Variants in C14orf132 observed in about 807,000 individuals in gnomAD.
C14orf132 encodes the protein uncharacterized protein C14orf132.
A neutral mutation model predicts 5.8 loss-of-function variants in C14orf132; 6 were observed. The ratio of observed to expected loss-of-function variants is 1.03; its 90% CI spans 0.57 to 2.04. The LOEUF is 2.04. Among genes scored for constraint, C14orf132 ranks in the 30% most tolerant of loss-of-function variants. The pLI, the probability that C14orf132 is intolerant of heterozygous loss-of-function variation, is 0.00. For missense variants in C14orf132, 125 were observed against 115.8 expected (o/e 1.08, Z -0.37); for synonymous variants, 51 against 49.8 (o/e 1.02, Z -0.10).
At chr14:96,049,852 C>T (rs896354210) in intron 1 of C14orf132, among the ~76,000 whole-genome samples, 3 of 149,714 alleles carry the variant, frequency 2.0e-5, no homozygotes, top group Non-Finnish European at 4.4e-5. Context: ...TTTTCTTCTG[C>T]AATATCTAAT....
chr14:96,061,286 TAGC>T (rs1428615136), intron 1 of C14orf132, among the ~76,000 whole-genome samples: 1 of 152,208 alleles, frequency 6.6e-6, no homozygotes, highest in African/African-American at 2.4e-5. Flanking sequence ...AGCTCCTTAG[TAGC>T]CAAGTCAGAC....
chr14:96,043,573 C>G (rs1183543924), intron 1 of C14orf132, among the ~76,000 whole-genome samples: 1 of 152,174 alleles, frequency 6.6e-6, no homozygotes, highest in Non-Finnish European at 1.5e-5. Context: ...TCCTGCTGCC[C>G]AGGTCTCACC....
chr14:96,063,838 T>C (rs1275962368), intron 1 of C14orf132, among the ~76,000 whole-genome samples: 1 of 152,076 alleles, frequency 6.6e-6, no homozygotes, highest in Non-Finnish European at 1.5e-5. Context: ...AAAGGACTAA[T>C]ATCCAGAATC....
At chr14:96,041,788 C>T (rs142427878) in intron 1 of C14orf132, among the ~76,000 whole-genome samples, 3 of 152,344 alleles carry the variant, frequency 2.0e-5, no homozygotes, top group Admixed American at 6.5e-5. Flanking sequence ...TGTCTAGTAC[C>T]TGCCTTGTGA....
rs1489659403 is a variant in C14orf132, at chr14:96,091,794, T to C, written c.*5059T>C. 8.3e-6 allele frequency: 1 copy of C among 120,064 alleles called. No homozygotes were observed. Among genetic ancestry groups the C allele is most frequent in the Non-Finnish European group, 1.6e-5 (1 of 61,612 alleles). The allele number at this position is 120,064 out of a possible 1,614,324, so 7.4% of individuals were successfully genotyped here. A position where few individuals can be genotyped will look rare whatever the true frequency, so the allele number is the denominator to read the frequency against. On this transcript the variant is annotated 3_prime_UTR_variant, in exon 2 of 2. Transcript: ENST00000555004. ...TCACGGAGAGGGATGGAGGAGAAGG[T>C]GGTTGAACTGAGTACTGAGAACCCA...
intron 1 of C14orf132, among the ~76,000 whole-genome samples, chr14:96,064,548 TCTTATTC>T (rs1887473167): frequency 6.6e-6 from 1 of 151,930 alleles, no homozygotes; most frequent in Non-Finnish European, 1.5e-5. Flanking sequence ...GATTGGAGAC[TCTTATTC>T]TAAGTGAAGT....
At chr14:96,064,363 T>TATACACACAC (rs1555385083) in intron 1 of C14orf132, among the ~76,000 whole-genome samples, 4,286 of 135,786 alleles carry the variant, frequency 0.032, 79 homozygotes, top group Non-Finnish European at 0.045. Flanking sequence ...GGTGCATATA[T>TATACACACAC]ACACACACAC....
intron 1 of C14orf132, among the ~76,000 whole-genome samples, chr14:96,049,351 AT>A (rs1293790393): frequency 1.4e-5 from 2 of 145,496 alleles, no homozygotes; most frequent in Non-Finnish European, 3.0e-5. Flanking sequence ...TTATTTATTT[AT>A]TTTTTTGAGA....
intron 1 of C14orf132, among the ~76,000 whole-genome samples, chr14:96,067,665 C>T (rs147546446): frequency 6.6e-6 from 1 of 151,346 alleles, no homozygotes; most frequent in East Asian, 1.9e-4. Context: ...GGCCATTGCA[C>T]TCCAGTCTGG....
At chr14:96,060,957 C>G (rs917680749) in intron 1 of C14orf132, among the ~76,000 whole-genome samples, 9 of 152,174 alleles carry the variant, frequency 5.9e-5, no homozygotes, top group Non-Finnish European at 8.8e-5. Flanking sequence ...AAACAGTAAG[C>G]TCATAATTCT....
rs1000510279 is a variant in C14orf132, at chr14:96,039,524, G to A, written c.24G>A (p.Ala8=). 10 of 1,502,146 alleles carry A rather than the reference G, an allele frequency of 6.7e-6. No individual in the cohort carries two copies. The African/African-American group carries it at 1.0e-4, about 15-fold the overall frequency. 93.1% of individuals were successfully genotyped at this position (1,502,146 alleles called of 1,614,324 possible). The part of the protein sequence containing the change: MDLSFMA[A]QLPMMGGAFM... ...CCATGGATCTCTCCTTTATGGCCGC[G>A]CAGGTAACGGGGCGTCCCCCCCACG... The change falls in exon 1 of 2, where the codon GCG becomes GCA. Residue 8 remains alanine, a synonymous_variant. Coordinates refer to ENST00000555004, the MANE Select transcript of C14orf132 (RefSeq NM_001252507.3). This position sits in a 1 kb window ranked among gnomAD's most constrained non-coding sequence, Gnocchi z 5.3.
At chr14:96,047,129 C>A (rs1486095034) in intron 1 of C14orf132, among the ~76,000 whole-genome samples, 5 of 152,184 alleles carry the variant, frequency 3.3e-5, no homozygotes, top group African/African-American at 1.2e-4. Context: ...TCTGGTTGTA[C>A]TTCAGGTTTC....
chr14:96,053,137 T>C (rs1887077346), intron 1 of C14orf132, among the ~76,000 whole-genome samples: 1 of 152,254 alleles, frequency 6.6e-6, no homozygotes, highest in South Asian at 2.1e-4. Flanking sequence ...GCCCAGAGGC[T>C]TTTTGGATCT....
intron 1 of C14orf132, among the ~76,000 whole-genome samples, chr14:96,083,925 AGG>A (rs1445739116): frequency 1.3e-5 from 2 of 152,234 alleles, no homozygotes; most frequent in Non-Finnish European, 2.9e-5. Context: ...TTAGGAATAC[AGG>A]TGCCGAGTGC....
At chr14:96,085,934 G>A (rs1306171083) in intron 1 of C14orf132, among the ~76,000 whole-genome samples, 2 of 151,560 alleles carry the variant, frequency 1.3e-5, no homozygotes, top group Non-Finnish European at 2.9e-5. Flanking sequence ...ACGTTTAAAT[G>A]TGTTTTCTCT....
In C14orf132 at chr14:96,091,746, C is replaced by A. The variant is rs901077158; in HGVS notation, c.*5011C>A. 1 of 151,892 alleles carries A rather than the reference C, an allele frequency of 6.6e-6. No individual in the cohort carries two copies. Among genetic ancestry groups the A allele is most frequent in the African/African-American group, 2.4e-5 (1 of 41,302 alleles). The allele number at this position is 151,892 out of a possible 1,614,324, so 9.4% of individuals were successfully genotyped here. On this transcript the variant is annotated 3_prime_UTR_variant, in exon 2 of 2. Coordinates refer to ENST00000555004, the MANE Select transcript of C14orf132 (RefSeq NM_001252507.3). ...CAGCCCCACCCACCCTGGCCCACTC[C>A]ACAGGCCCCTGACCATGGTCACTCA...
rs1886621726 is a variant in C14orf132, at chr14:96,039,451, G to T, written c.-50G>T. 2.7e-6 allele frequency: 4 copies of T among 1,474,814 alleles called. No homozygotes were observed. The highest frequency in any genetic ancestry group is 1.3e-5 in the South Asian group (1 of 77,084). 91.4% of individuals were successfully genotyped at this position (1,474,814 alleles called of 1,614,324 possible). On this transcript the variant is annotated 5_prime_UTR_variant, in exon 1 of 2. Transcript: ENST00000555004. The surrounding 1 kb of genome is among the most constrained non-coding windows in gnomAD (Gnocchi z 5.3). ...CGCCAACTGTGCAGGCGGCTGACCC[G>T]CAGCGGCAGCGGCAGCAGCGAGGAC...
At chr14:96,051,200 G>A (rs1331660214) in intron 1 of C14orf132, 13 of 398,516 alleles carry the variant, frequency 3.3e-5, no homozygotes, top group Non-Finnish European at 5.7e-5. Flanking sequence ...CCAGTCTGCC[G>A]TTGCCACTTG....
rs1386392525 is a variant in C14orf132, at chr14:96,087,437, T to G, written c.*702T>G. 6.6e-6 allele frequency: 1 copy of G among 152,198 alleles called. No homozygotes were observed. Among genetic ancestry groups the G allele is most frequent in the Non-Finnish European group, 1.5e-5 (1 of 68,110 alleles). 9.4% of individuals were successfully genotyped at this position (152,198 alleles called of 1,614,324 possible). ...AGAGGATGTCTTTAAGAGCTAGATGTGCCAGGCAGTGGACTCTTCAGGCCA... is the reference window on the plus strand; with the variant it reads ...AGAGGATGTCTTTAAGAGCTAGATGGGCCAGGCAGTGGACTCTTCAGGCCA... On this transcript the variant is annotated 3_prime_UTR_variant, in exon 2 of 2. Coordinates refer to ENST00000555004, the MANE Select transcript of C14orf132 (RefSeq NM_001252507.3).
Sources: gnomAD v4.1 joint callset for allele counts (sites outside exome capture counted in the v4.1 genomes callset) on GRCh38, gnomAD v4.1.1 for gene constraint, Gnocchi (gnomAD v3.1) non-coding constraint, MANE v1.5 for transcripts, NCBI Gene and HGNC (gene_info 2026-07-23, HGNC 2026-07-21) for gene names.